DOCK1: variants seen among roughly 807,000 people sequenced by gnomAD.
The protein encoded by DOCK1 is dedicator of cytokinesis 1, also known as dedicator of cytokinesis protein 1.
In DOCK1, 138 loss-of-function variants were observed where a neutral mutation model predicts 262.7. The ratio of observed to expected loss-of-function variants is 0.53; its 90% confidence interval spans 0.46 to 0.61. The LOEUF is 0.61. DOCK1 is among the 20% of genes least tolerant of loss of function. DOCK1 has a pLI of 0.00. For missense variants in DOCK1, 1,908 were observed against 2,370.7 expected, an observed-to-expected ratio of 0.80 and a Z score of 4.05; for synonymous variants, 866 against 867.4, an observed-to-expected ratio of 1.00 and a Z score of 0.03.
chr10:127,154,853 C>T (rs2052883926), intron 27 of DOCK1, among the ~76,000 whole-genome samples: 1 of 152,170 alleles, frequency 6.6e-6, no homozygotes, highest in Non-Finnish European at 1.5e-5. Flanking sequence ...TGAGAATTTT[C>T]TGGACCAGGC....
chr10:127,175,836 G>A lies in DOCK1; in HGVS notation c.2847+48072G>A, dbSNP rs1265877542. ...GGGCTCTGTGCAGTTGACCCCCAAA[G>A]GCTGGTCCACTGTGTTCATGTGTTG... On this transcript the variant is annotated intron_variant, in intron 27 of 51. Coordinates refer to ENST00000623213, the MANE Select transcript of DOCK1 (RefSeq NM_001290223.2). The surrounding 1 kb of genome is among the most constrained non-coding windows in gnomAD (Gnocchi z 6.3). 6.2e-7 allele frequency: 1 copy of A among 1,614,046 alleles called. No individual in the cohort carries two copies. Among genetic ancestry groups the A allele is most frequent in the Non-Finnish European group, 8.5e-7 (1 of 1,180,044 alleles).
rs2048535115 is a variant in DOCK1 at position 127,106,441 on chromosome 10, C to T, written c.2516+140C>T. On this transcript the variant is annotated intron_variant, in intron 24 of 51. Transcript: ENST00000623213. ...CTGGATCATTCTGGAACATGTGTTG[C>T]TGGTGGTGTCTGTGACTCTTTGATA... is the stretch of plus-strand genomic sequence containing the variant. 5 of 819,306 alleles carry T rather than the reference C, an allele frequency of 6.1e-6. No individual in the cohort carries two copies. The East Asian group carries it at 8.4e-5, about 14-fold the overall frequency. 50.8% of individuals were successfully genotyped at this position (819,306 alleles called of 1,614,324 possible). A position where few individuals can be genotyped will look rare whatever the true frequency, so the allele number is the denominator to read the frequency against.
At chr10:127,282,461 C>T (rs1009324127) in intron 29 of DOCK1, among the ~76,000 whole-genome samples, 17 of 152,218 alleles carry the variant, frequency 1.1e-4, no homozygotes, top group Admixed American at 5.2e-4. Context: ...GATTTCCTCT[C>T]GCTTTAGAAA....
intron 27 of DOCK1, among the ~76,000 whole-genome samples, chr10:127,209,496 C>T (rs771102441): frequency 2.0e-5 from 3 of 152,094 alleles, no homozygotes; most frequent in South Asian, 2.1e-4. Flanking sequence ...ACATCATAGA[C>T]GCAAGGGTGA....
At chr10:127,107,196 T>C (rs1011318736) in intron 24 of DOCK1, among the ~76,000 whole-genome samples, 4 of 152,292 alleles carry the variant, frequency 2.6e-5, no homozygotes, top group East Asian at 1.9e-4. Context: ...TGGTTTTGAT[T>C]TGACACAATA....
At chr10:127,086,147 G>A (rs924953847) in intron 23 of DOCK1, among the ~76,000 whole-genome samples, 2 of 70,308 alleles carry the variant, frequency 2.8e-5, no homozygotes, top group South Asian at 9.1e-4. Context: ...CACACCCCCC[G>A]CCCCTTACAG....
intron 23 of DOCK1, among the ~76,000 whole-genome samples, chr10:127,081,164 T>G (rs1248096712): frequency 6.6e-6 from 1 of 152,224 alleles, no homozygotes; most frequent in African/African-American, 2.4e-5. Context: ...GTTCACCTTC[T>G]TGGAGGAAGG....
intron 23 of DOCK1, among the ~76,000 whole-genome samples, chr10:127,063,535 G>A (rs907464857): frequency 6.6e-6 from 1 of 152,110 alleles, no homozygotes; most frequent in Non-Finnish European, 1.5e-5. Flanking sequence ...TGTAGGTGGT[G>A]CATACATTAA....
intron 1 of DOCK1, among the ~76,000 whole-genome samples, chr10:126,948,611 A>G (rs1477341783): frequency 6.6e-6 from 1 of 151,922 alleles, no homozygotes; most frequent in Admixed American, 6.6e-5. Context: ...CAGGCCACAG[A>G]TGGAGAAGGA....
intron 27 of DOCK1, among the ~76,000 whole-genome samples, chr10:127,168,372 G>A (rs1215975443): frequency 1.3e-5 from 2 of 152,238 alleles, no homozygotes; most frequent in Non-Finnish European, 2.9e-5. Context: ...GAGTGCTAAG[G>A]CACAGGAGAG....
chr10:127,085,523 GC>G (rs1416844966), intron 23 of DOCK1, among the ~76,000 whole-genome samples: 6 of 152,194 alleles, frequency 3.9e-5, no homozygotes, highest in African/African-American at 9.6e-5. Context: ...ACTTTGGGAG[GC>G]CGAGGCAGGC....
chr10:126,945,612 T>A (rs1174307232), intron 1 of DOCK1, among the ~76,000 whole-genome samples: 2 of 152,160 alleles, frequency 1.3e-5, no homozygotes, highest in African/African-American at 2.4e-5. Flanking sequence ...AACGGGATCA[T>A]TTTTATGGAT....
At position 127,197,506 on chromosome 10, in the gene DOCK1, GC is replaced by G. The variant is rs111606940; in HGVS notation, c.2848-50497del. 3.2e-3 allele frequency among the ~76,000 whole-genome samples: 491 copies of G among 152,292 alleles called. 4 individuals are homozygous for G. Among genetic ancestry groups the G allele is most frequent in the African/African-American group, 0.011 (470 of 41,558 alleles). On this transcript the variant is annotated intron_variant, in intron 27 of 51. Coordinates refer to ENST00000623213, the MANE Select transcript of DOCK1 (RefSeq NM_001290223.2). ...CAGCCAGCCGAGTGCAGGGCTCCTGGCCCCCTGGATTTGCTCCTAGAATGTA... is the reference window on the plus strand; with the variant it reads ...CAGCCAGCCGAGTGCAGGGCTCCTGGCCCCTGGATTTGCTCCTAGAATGTA...
At chr10:127,106,052 A>G (rs1430644808) in intron 23 of DOCK1, among the ~76,000 whole-genome samples, 179 bp from the exon 24 acceptor site, 1 of 152,188 alleles carries the variant, frequency 6.6e-6, no homozygotes, top group African/African-American at 2.4e-5. Context: ...GGTGTGAGCC[A>G]CTGCGCCTGA....
chr10:127,083,349 C>T (rs183574982), intron 23 of DOCK1, among the ~76,000 whole-genome samples: 3 of 152,322 alleles, frequency 2.0e-5, no homozygotes, highest in Admixed American at 1.3e-4. Context: ...GACGAGCAGT[C>T]CTGGCTCCTT....
intron 4 of DOCK1, among the ~76,000 whole-genome samples, chr10:126,985,898 G>A (rs2039346208): frequency 6.6e-6 from 1 of 152,142 alleles, no homozygotes; most frequent in Non-Finnish European, 1.5e-5. Context: ...AGGCTGGAGT[G>A]CAATGGTACA....
At chr10:127,219,769 C>T (rs545819467) in intron 27 of DOCK1, among the ~76,000 whole-genome samples, 1 of 152,156 alleles carries the variant, frequency 6.6e-6, no homozygotes, top group South Asian at 2.1e-4. Flanking sequence ...ATACTTATTT[C>T]CATTGCCAAC....
At chr10:126,912,681 G>A (rs1272227592) in intron 1 of DOCK1, among the ~76,000 whole-genome samples, 13 of 149,724 alleles carry the variant, frequency 8.7e-5, no homozygotes, top group Admixed American at 1.3e-4. Context: ...AGCCGAGATC[G>A]CGCCACCGTA....
intron 27 of DOCK1, among the ~76,000 whole-genome samples, chr10:127,235,549 T>C (rs1415187969): frequency 6.6e-6 from 1 of 152,164 alleles, no homozygotes; most frequent in Non-Finnish European, 1.5e-5. Flanking sequence ...GTGTTTGGAG[T>C]GTCCCCTATG....
Sources: allele counts gnomAD v4.1 joint callset (sites outside exome capture counted in the v4.1 genomes callset), GRCh38; gene constraint gnomAD v4.1.1; non-coding constraint Gnocchi (gnomAD v3.1); transcripts MANE v1.5; gene names NCBI Gene and HGNC (gene_info 2026-07-23, HGNC 2026-07-21).